The following OR2G2 variants were observed in gnomAD, a reference collection of about 807,000 sequenced individuals.
OR2G2 encodes olfactory receptor family 2 subfamily G member 2.
For synonymous variants in OR2G2, 176 were observed against 152.4 expected (o/e 1.16, Z -1.14); for missense variants, 460 against 389.7 (o/e 1.18, Z -1.52).
In OR2G2 at chr1:247,588,502, T is replaced by G. The variant is rs775480530; in HGVS notation, c.143T>G (p.Ile48Ser). ...CTAACTATTTTGGGGAATACCACCA[T>G]CATTCTGGTTTCTCGTCTGGAACCC... ...YLLTILGNTT[I>S]ILVSRLEPKL... Residue 48 changes from isoleucine to serine, a missense_variant, in exon 1 of 1, where the codon ATC becomes AGC. Transcript: ENST00000320065. 2 of 1,614,084 alleles carry G rather than the reference T, an allele frequency of 1.2e-6. No homozygotes were observed. The highest frequency in any genetic ancestry group is 2.7e-5 in the African/African-American group (2 of 74,936).
chr1:247,588,875 T>C lies in OR2G2; in HGVS notation c.516T>C (p.Cys172=), dbSNP rs778537967. The C allele has an allele frequency of 3.1e-6, 5 of 1,614,180 alleles. No homozygotes were observed. The highest frequency in any genetic ancestry group is 3.3e-5 in the Admixed American group (2 of 60,018). Residue 172 remains cysteine (C), a synonymous_variant, in exon 1 of 1, where the codon TGT becomes TGC. Coordinates refer to ENST00000320065, the MANE Select transcript of OR2G2 (RefSeq NM_001001915.1). The stretch of plus-strand genomic sequence containing the variant: ...CCCTCACCCTGCAGCTGCCCTTCTG[T>C]GGGCATCGCCAAGTGGATCATTTCA... ...QSTLTLQLPF[C]GHRQVDHFIC...
In OR2G2 at chr1:247,588,954, G is replaced by C; in HGVS notation, c.595G>C (p.Glu199Gln). Residue 199 changes from glutamate to glutamine, a missense_variant, in exon 1 of 1, where the codon GAG (glutamate) becomes CAG (glutamine). Coordinates refer to ENST00000320065, the MANE Select transcript of OR2G2 (RefSeq NM_001001915.1). ...KLACVGTTFN[E>Q]AELFVASILF... Reference sequence around the variant, plus strand: ...GGCTTGTGTGGGCACCACGTTTAACGAGGCTGAGCTTTTTGTGGCTAGTAT... The same window carrying C: ...GGCTTGTGTGGGCACCACGTTTAACCAGGCTGAGCTTTTTGTGGCTAGTAT... 6.2e-7 allele frequency: 1 copy of C among 1,614,222 alleles called. No homozygotes were observed. The highest frequency in any genetic ancestry group is 8.5e-7 in the Non-Finnish European group (1 of 1,180,034).
chr1:247,589,222 T>C lies in OR2G2; in HGVS notation c.863T>C (p.Leu288Pro). The C allele has an allele frequency of 6.2e-7, 1 of 1,614,118 alleles. No homozygotes were observed. The highest frequency in any genetic ancestry group is 8.5e-7 in the Non-Finnish European group (1 of 1,179,992). Residue 288 changes from leucine (L) to proline (P), a missense_variant, in exon 1 of 1, where the codon CTT becomes CCT. Transcript: ENST00000320065. ...SLFYTVVTRM[L>P]NPLIYTLRIK... ...TTCTACACTGTGGTAACCCGCATGC[T>C]TAACCCTCTTATTTATACCTTGAGG...
Position 247,589,226 on chromosome 1 carries a change from C to A in OR2G2, c.867C>A (p.Asn289Lys). The A allele has an allele frequency of 6.2e-7, 1 of 1,613,996 alleles. No homozygotes were observed. Among genetic ancestry groups the A allele is most frequent in the East Asian group, 2.2e-5 (1 of 44,866 alleles). The change falls in exon 1 of 1, where the codon AAC (asparagine) becomes AAA (lysine). Residue 289 changes from asparagine to lysine, a missense_variant. By Grantham distance (94) the Asn-to-Lys change is moderately conservative. Coordinates refer to ENST00000320065, the MANE Select transcript of OR2G2 (RefSeq NM_001001915.1). Reference sequence around the variant, plus strand: ...ACACTGTGGTAACCCGCATGCTTAACCCTCTTATTTATACCTTGAGGATCA... The same window carrying A: ...ACACTGTGGTAACCCGCATGCTTAAACCTCTTATTTATACCTTGAGGATCA... The part of the protein sequence containing the change: ...LFYTVVTRML[N>K]PLIYTLRIKE...
In OR2G2 at chr1:247,588,934, G is replaced by A. The variant is rs756795272; in HGVS notation, c.575G>A (p.Cys192Tyr). The A allele has an allele frequency of 1.2e-6, 2 of 1,614,244 alleles. No individual in the cohort carries two copies. The highest frequency in any genetic ancestry group is 2.2e-5 in the East Asian group (1 of 44,890). ...CEVPVLIKLA[C>Y]VGTTFNEAEL... ...GTCCCTGTGCTCATCAAGCTGGCTT[G>A]TGTGGGCACCACGTTTAACGAGGCT... The change falls in exon 1 of 1, where the codon TGT becomes TAT. Residue 192 changes from cysteine to tyrosine, a missense_variant. Physicochemically the swap from Cys to Tyr is radical, Grantham distance 194 (BLOSUM62 -2). Coordinates refer to ENST00000320065, the MANE Select transcript of OR2G2 (RefSeq NM_001001915.1).
At position 247,588,501 on chromosome 1, in the gene OR2G2, A is replaced by G. The variant is rs771974806; in HGVS notation, c.142A>G (p.Ile48Val). The G allele has an allele frequency of 5.9e-5, 95 of 1,614,020 alleles. No homozygotes were observed. The highest frequency in any genetic ancestry group is 7.7e-5 in the Non-Finnish European group (91 of 1,179,984). ...ACTAACTATTTTGGGGAATACCACC[A>G]TCATTCTGGTTTCTCGTCTGGAACC... ...YLLTILGNTT[I>V]ILVSRLEPKL... Residue 48 changes from isoleucine (I) to valine (V), a missense_variant, in exon 1 of 1, where the codon ATC (isoleucine) becomes GTC (valine). Ile to Val is a conservative substitution (Grantham distance 29). Coordinates refer to ENST00000320065, the MANE Select transcript of OR2G2 (RefSeq NM_001001915.1).
Position 247,588,964 on chromosome 1 carries a change from T to C in OR2G2, c.605T>C (p.Leu202Pro), listed in dbSNP as rs768845749. 2 of 1,614,230 alleles carry C rather than the reference T, an allele frequency of 1.2e-6. No individual in the cohort carries two copies. The highest frequency in any genetic ancestry group is 2.2e-5 in the South Asian group (2 of 91,086). ...CVGTTFNEAE[L>P]FVASILFLIV... is the part of the protein sequence containing the mutation. ...GGCACCACGTTTAACGAGGCTGAGC[T>C]TTTTGTGGCTAGTATCCTTTTCCTT... is the stretch of plus-strand genomic sequence containing the variant. Residue 202 changes from leucine (L) to proline (P), a missense_variant, in exon 1 of 1, where the codon CTT (leucine) becomes CCT (proline). Transcript: ENST00000320065.
In OR2G2 at chr1:247,589,214, C is replaced by T; in HGVS notation, c.855C>T (p.Thr285=). The change falls in exon 1 of 1, where the codon ACC becomes ACT. Residue 285 remains threonine, a synonymous_variant. Coordinates refer to ENST00000320065, the MANE Select transcript of OR2G2 (RefSeq NM_001001915.1). ...TTTCTCTCTTCTACACTGTGGTAAC[C>T]CGCATGCTTAACCCTCTTATTTATA... ...KFVSLFYTVV[T]RMLNPLIYTL... 1 of 1,614,062 alleles carries T rather than the reference C, an allele frequency of 6.2e-7. No homozygotes were observed. The highest frequency in any genetic ancestry group is 8.5e-7 in the Non-Finnish European group (1 of 1,179,962).
chr1:247,589,043 G>A lies in OR2G2; in HGVS notation c.684G>A (p.Val228=), dbSNP rs781458178. The A allele has an allele frequency of 1.2e-6, 2 of 1,614,230 alleles. No homozygotes were observed. Among genetic ancestry groups the A allele is most frequent in the Non-Finnish European group, 1.7e-6 (2 of 1,180,042 alleles). ...LVSSGYIAHA[V]LRIKSATRRQ... ...CCTCTGGCTACATTGCCCACGCAGT[G>A]TTGAGGATTAAGTCAGCTACCAGGA... Residue 228 remains valine (V), a synonymous_variant, in exon 1 of 1, where the codon GTG becomes GTA. Coordinates refer to ENST00000320065, the MANE Select transcript of OR2G2 (RefSeq NM_001001915.1).
rs766676205 is a variant in OR2G2, at chr1:247,588,909, G to A, written c.550G>A (p.Val184Ile). 4 of 1,614,228 alleles carry A rather than the reference G, an allele frequency of 2.5e-6. No individual in the cohort carries two copies. The highest frequency in any genetic ancestry group is 2.7e-5 in the African/African-American group (2 of 75,058). Reference protein sequence around the residue: ...HRQVDHFICEVPVLIKLACVG... With the variant: ...HRQVDHFICEIPVLIKLACVG... ...CCAAGTGGATCATTTCATCTGCGAG[G>A]TCCCTGTGCTCATCAAGCTGGCTTG... The change falls in exon 1 of 1, where the codon GTC becomes ATC. Residue 184 changes from valine to isoleucine, a missense_variant. By Grantham distance (29) the Val-to-Ile change is conservative. Transcript: ENST00000320065.
chr1:247,589,082 C>A lies in OR2G2; in HGVS notation c.723C>A (p.Phe241Leu). 6.2e-7 allele frequency: 1 copy of A among 1,614,120 alleles called. No individual in the cohort carries two copies. Among genetic ancestry groups the A allele is most frequent in the Non-Finnish European group, 8.5e-7 (1 of 1,179,972 alleles). Residue 241 changes from phenylalanine to leucine, a missense_variant, in exon 1 of 1, where the codon TTC becomes TTA. By Grantham distance (22) the Phe-to-Leu change is conservative. Coordinates refer to ENST00000320065, the MANE Select transcript of OR2G2 (RefSeq NM_001001915.1). ...IKSATRRQKA[F>L]GTCFSHLTVV... ...CAGCTACCAGGAGACAGAAAGCATT[C>A]GGGACCTGCTTCTCCCACCTGACAG... is the stretch of plus-strand genomic sequence containing the variant.
At position 247,588,876 on chromosome 1, in the gene OR2G2, G is replaced by A. The variant is rs546343524; in HGVS notation, c.517G>A (p.Gly173Arg). 2 of 1,614,152 alleles carry A rather than the reference G, an allele frequency of 1.2e-6. No individual in the cohort carries two copies. Among genetic ancestry groups the A allele is most frequent in the South Asian group, 1.1e-5 (1 of 91,088 alleles). ...STLTLQLPFC[G>R]HRQVDHFICE... The stretch of plus-strand genomic sequence containing the variant: ...CCTCACCCTGCAGCTGCCCTTCTGT[G>A]GGCATCGCCAAGTGGATCATTTCAT... The change falls in exon 1 of 1, where the codon GGG becomes AGG. Residue 173 changes from glycine (G) to arginine (R), a missense_variant. By Grantham distance (125) the Gly-to-Arg change is moderately radical (BLOSUM62 -2). Transcript: ENST00000320065.
At position 247,589,265 on chromosome 1, in the gene OR2G2, G is replaced by C. The variant is rs1669092047; in HGVS notation, c.906G>C (p.Gly302=). 2.5e-6 allele frequency: 4 copies of C among 1,607,974 alleles called. No homozygotes were observed. Among genetic ancestry groups the C allele is most frequent in the Middle Eastern group, 1.7e-4 (1 of 6,022 alleles). Residue 302 remains glycine (G), a synonymous_variant, in exon 1 of 1, where the codon GGG becomes GGC. Coordinates refer to ENST00000320065, the MANE Select transcript of OR2G2 (RefSeq NM_001001915.1). The part of the protein sequence containing the change: ...IYTLRIKEVK[G]ALKKVLAKAL... Reference sequence around the variant, plus strand: ...CCTTGAGGATCAAGGAGGTGAAAGGGGCATTAAAGAAAGTTCTAGCAAAGG... The same window carrying C: ...CCTTGAGGATCAAGGAGGTGAAAGGCGCATTAAAGAAAGTTCTAGCAAAGG...
chr1:247,589,192 C>G lies in OR2G2; in HGVS notation c.833C>G (p.Ser278Cys). Residue 278 changes from serine to cysteine, a missense_variant, in exon 1 of 1, where the codon TCT becomes TGT. By Grantham distance (112) the Ser-to-Cys change is moderately radical. Transcript: ENST00000320065. ...SRSRDQGKFVSLFYTVVTRML... is the reference protein window; with the variant it reads ...SRSRDQGKFVCLFYTVVTRML... Reference sequence around the variant, plus strand: ...TCCAGGGACCAGGGCAAGTTTGTTTCTCTCTTCTACACTGTGGTAACCCGC... The same window carrying G: ...TCCAGGGACCAGGGCAAGTTTGTTTGTCTCTTCTACACTGTGGTAACCCGC... 1 of 1,614,124 alleles carries G rather than the reference C, an allele frequency of 6.2e-7. No individual in the cohort carries two copies. Among genetic ancestry groups the G allele is most frequent in the South Asian group, 1.1e-5 (1 of 91,088 alleles).
Position 247,588,962 on chromosome 1 carries a change from GC to G in OR2G2, c.604del (p.Leu202PhefsTer10). ...TGGGCACCACGTTTAACGAGGCTGA[GC>G]TTTTTGTGGCTAGTATCCTTTTCCT... ...CVGTTFNEAE[L>X]FVASILFLIV... On this transcript the variant is annotated frameshift_variant, in exon 1 of 1. Transcript: ENST00000320065. LOFTEE classifies it low-confidence loss of function (END_TRUNC). 1.2e-6 allele frequency: 2 copies of G among 1,614,224 alleles called. No homozygotes were observed. Among genetic ancestry groups the G allele is most frequent in the South Asian group, 1.1e-5 (1 of 91,090 alleles).
Position 247,588,839 on chromosome 1 carries a change from G to A in OR2G2, c.480G>A (p.Leu160=), listed in dbSNP as rs765614780. 6.2e-6 allele frequency: 10 copies of A among 1,614,132 alleles called. No homozygotes were observed. The South Asian group carries it at 9.9e-5, about 16-fold the overall frequency. Residue 160 remains leucine (L), a synonymous_variant, in exon 1 of 1, where the codon CTG becomes CTA. Transcript: ENST00000320065. ...GGCTCAGTGGAATAGCCACCACCCTGGTACAGTCCACCCTCACCCTGCAGC... is the reference window on the plus strand; with the variant it reads ...GGCTCAGTGGAATAGCCACCACCCTAGTACAGTCCACCCTCACCCTGCAGC... ...MAWLSGIATT[L]VQSTLTLQLP...
chr1:247,589,293 C>T lies in OR2G2; in HGVS notation c.934C>T (p.Leu312=), dbSNP rs752415547. The T allele has an allele frequency of 6.4e-7, 1 of 1,553,552 alleles. No individual in the cohort carries two copies. The highest frequency in any genetic ancestry group is 2.3e-5 in the East Asian group (1 of 44,174). The change falls in exon 1 of 1, where the codon CTG becomes TTG. Residue 312 remains leucine (L), a synonymous_variant. Coordinates refer to ENST00000320065, the MANE Select transcript of OR2G2 (RefSeq NM_001001915.1). ...GALKKVLAKA[L]GVNIL is the part of the protein sequence containing the mutation. ...ATTAAAGAAAGTTCTAGCAAAGGCT[C>T]TGGGAGTAAATATTTTATGATTATT...
In OR2G2 at chr1:247,589,109, G is replaced by A; in HGVS notation, c.750G>A (p.Val250=). ...GGACCTGCTTCTCCCACCTGACAGTGGTCACCATCTTTTATGGAACCATCA... is the reference window on the plus strand; with the variant it reads ...GGACCTGCTTCTCCCACCTGACAGTAGTCACCATCTTTTATGGAACCATCA... ...AFGTCFSHLT[V]VTIFYGTIIF... is the part of the protein sequence containing the mutation. Residue 250 remains valine (V), a synonymous_variant, in exon 1 of 1, where the codon GTG becomes GTA. Transcript: ENST00000320065. 6.2e-7 allele frequency: 1 copy of A among 1,614,174 alleles called. No individual in the cohort carries two copies.
In OR2G2 at chr1:247,588,717, G is replaced by C. The variant is rs1151687; in HGVS notation, c.358G>C (p.Val120Leu). The stretch of plus-strand genomic sequence containing the variant: ...ATCCACTGAGTGCGTCCTCCCGGCT[G>C]TGATGTCCTGTGACCGCTATGTGGC... ...LGSTECVLPA[V>L]MSCDRYVAVC... Residue 120 changes from valine (V) to leucine (L), a missense_variant, in exon 1 of 1, where the codon GTG (valine) becomes CTG (leucine). Coordinates refer to ENST00000320065, the MANE Select transcript of OR2G2 (RefSeq NM_001001915.1). 0.69 allele frequency: 1,110,443 copies of C among 1,613,842 alleles called. 391,182 individuals carry two copies. Among genetic ancestry groups the C allele is most frequent in the East Asian group, 0.78 (34,800 of 44,854 alleles).
Sources: gnomAD v4.1 joint callset for allele counts on GRCh38, gnomAD v4.1.1 for gene constraint, MANE v1.5 for transcripts, NCBI Gene and HGNC (gene_info 2026-07-23, HGNC 2026-07-21) for gene names.